The following PPP1R16B variants were observed in gnomAD, a reference collection of about 807,000 sequenced individuals.
PPP1R16B encodes the protein protein phosphatase 1 regulatory inhibitor subunit 16B.
PPP1R16B carries 14 observed loss-of-function variants against 61.7 expected under a neutral mutation model. The ratio of observed to expected loss-of-function variants is 0.23; its 90% confidence interval spans 0.15 to 0.35. The LOEUF (loss-of-function observed/expected upper bound fraction) is 0.35. Among genes scored for constraint, PPP1R16B ranks in the 10% least tolerant of loss-of-function variants. The probability of loss-of-function intolerance (pLI) is 1.00; values close to 1 mark genes in which losing one functional copy is unlikely to be tolerated. For missense variants in PPP1R16B, 547 were observed against 752.5 expected (o/e 0.73, Z 3.19); for synonymous variants, 266 against 305.3 (o/e 0.87, Z 1.34).
At chr20:38,808,323 G>T (rs2084675433) in intron 1 of PPP1R16B, among the ~76,000 whole-genome samples, 1 of 152,146 alleles carries the variant, frequency 6.6e-6, no homozygotes, top group African/African-American at 2.4e-5. Context: ...CTGAATTCAG[G>T]TGCTGTGCTT....
intron 2 of PPP1R16B, among the ~76,000 whole-genome samples, chr20:38,871,324 C>T (rs936510233): frequency 6.6e-6 from 1 of 152,092 alleles, no homozygotes; most frequent in Non-Finnish European, 1.5e-5. Context: ...AAATGGGAAA[C>T]CTGCACTCAA....
At chr20:38,867,641 A>G (rs1041258581) in intron 2 of PPP1R16B, among the ~76,000 whole-genome samples, 1 of 151,964 alleles carries the variant, frequency 6.6e-6, no homozygotes, top group African/African-American at 2.4e-5. Context: ...CATTTCCAAA[A>G]TGTGTTAGCT....
At chr20:38,895,750 C>A (rs1235174639) in intron 4 of PPP1R16B, 40 bp downstream of exon 4, 1 of 1,574,360 alleles carries the variant, frequency 6.4e-7, no homozygotes, top group East Asian at 2.3e-5. Context: ...CTCCCTCCAC[C>A]TCTTGTCTTT....
At chr20:38,869,040 C>G (rs1291323830) in intron 2 of PPP1R16B, among the ~76,000 whole-genome samples, 2 of 152,160 alleles carry the variant, frequency 1.3e-5, no homozygotes, top group Non-Finnish European at 2.9e-5. Flanking sequence ...CCAGTCAATC[C>G]CCTACGCTCT....
chr20:38,812,780 G>A (rs1361369136), intron 1 of PPP1R16B, among the ~76,000 whole-genome samples: 1 of 152,216 alleles, frequency 6.6e-6, no homozygotes, highest in South Asian at 2.1e-4. Flanking sequence ...GTAGGAGTTT[G>A]AAGGAGAAGA....
intron 2 of PPP1R16B, among the ~76,000 whole-genome samples, chr20:38,874,230 A>G (rs913048179): frequency 5.9e-5 from 9 of 152,166 alleles, no homozygotes; most frequent in African/African-American, 1.9e-4. Flanking sequence ...CAGATCTCCA[A>G]AGATAACTGT....
chr20:38,886,287 T>G (rs2085244220), intron 2 of PPP1R16B, among the ~76,000 whole-genome samples: 1 of 152,162 alleles, frequency 6.6e-6, no homozygotes, highest in Non-Finnish European at 1.5e-5. Flanking sequence ...GTCCCACCTC[T>G]TGGGCTGAAA....
chr20:38,895,671 C>T lies in PPP1R16B; in HGVS notation c.428C>T (p.Thr143Ile). 2.5e-6 allele frequency: 4 copies of T among 1,614,176 alleles called. No individual in the cohort carries two copies. The highest frequency in any genetic ancestry group is 1.1e-5 in the South Asian group (1 of 91,080). The stretch of plus-strand genomic sequence containing the variant: ...TGGACACCTCTCCATGCTGCAGCCA[C>T]CTGCGGCCACATCAACCTGGTGAAG... ...ELWTPLHAAA[T>I]CGHINLVKIL... The change falls in exon 4 of 11, where the codon ACC becomes ATC. Residue 143 changes from threonine to isoleucine, a missense_variant. Transcript: ENST00000299824.
chr20:38,807,725 C>CTGTGTG, intron 1 of PPP1R16B, among the ~76,000 whole-genome samples: 1 of 152,316 alleles, frequency 6.6e-6, no homozygotes, highest in South Asian at 2.1e-4. Context: ...ACTGTCAACT[C>CTGTGTG]TGTGCCTACT....
At chr20:38,889,550 C>T (rs746126512) in intron 2 of PPP1R16B, 45 bp from the exon 3 acceptor site, 3 of 1,509,006 alleles carry the variant, frequency 2.0e-6, no homozygotes, top group Admixed American at 3.3e-5. Flanking sequence ...TGCCTGCACA[C>T]CCAGTGTGCA....
intron 1 of PPP1R16B, among the ~76,000 whole-genome samples, chr20:38,818,068 C>G (rs1465132029): frequency 1.3e-5 from 2 of 152,132 alleles, no homozygotes; most frequent in Admixed American, 1.3e-4. Context: ...ACAAAAACAG[C>G]GTGTGTGAAA....
rs1568691205 is a variant in PPP1R16B, at chr20:38,921,163, C to G, written c.*2497C>G. 16 of 152,232 alleles carry G rather than the reference C, an allele frequency of 1.1e-4. No homozygotes were observed. 9.4% of individuals were successfully genotyped at this position (152,232 alleles called of 1,614,324 possible). A position where few individuals can be genotyped will look rare whatever the true frequency, so the allele number is the denominator to read the frequency against. On this transcript the variant is annotated 3_prime_UTR_variant, in exon 11 of 11. Coordinates refer to ENST00000299824, the MANE Select transcript of PPP1R16B (RefSeq NM_015568.4). ...GAGCCGACTTCACACACAGGTGACT[C>G]TCAGGCATTGGCTCATGTTTTCAGC...
Position 38,908,085 on chromosome 20 carries a change from T to C in PPP1R16B, c.1086T>C (p.Tyr362=). The C allele has an allele frequency of 6.2e-7, 1 of 1,614,162 alleles. No individual in the cohort carries two copies. ...GGACCAACCTGTATAGGAAGGAGTA[T>C]GAGGGAGAGGCCATCCTGTGGCAGC... The part of the protein sequence containing the change: ...SDRTNLYRKE[Y]EGEAILWQRS... The change falls in exon 10 of 11, where the codon TAT becomes TAC. Residue 362 remains tyrosine, a synonymous_variant. Transcript: ENST00000299824.
Position 38,837,154 on chromosome 20 carries a change from C to A in PPP1R16B, c.250+979C>A, listed in dbSNP as rs922854360. On this transcript the variant is annotated intron_variant, in intron 2 of 10. Transcript: ENST00000299824. ...AGGGATGGACTCTGAAGTGAGACTACCTGAATCTAAAACTGGCTTTCTCAG... is the reference window on the plus strand; with the variant it reads ...AGGGATGGACTCTGAAGTGAGACTAACTGAATCTAAAACTGGCTTTCTCAG... Among the ~76,000 whole-genome samples, 3 of 152,260 alleles carry A rather than the reference C, an allele frequency of 2.0e-5. No individual in the cohort carries two copies. The East Asian group carries it at 5.8e-4, about 29-fold the overall frequency.
At chr20:38,821,445 A>G (rs2084773052) in intron 1 of PPP1R16B, among the ~76,000 whole-genome samples, 1 of 152,226 alleles carries the variant, frequency 6.6e-6, no homozygotes, top group Non-Finnish European at 1.5e-5. Context: ...ATCTCTTTTT[A>G]TAATTTAAGA....
chr20:38,813,923 A>C, intron 1 of PPP1R16B, among the ~76,000 whole-genome samples: 1 of 151,844 alleles, frequency 6.6e-6, no homozygotes, highest in Non-Finnish European at 1.5e-5. Flanking sequence ...CAGCCTCCTG[A>C]GTAGCTGAGA....
chr20:38,847,908 C>T (rs1395902937), intron 2 of PPP1R16B, among the ~76,000 whole-genome samples: 1 of 151,998 alleles, frequency 6.6e-6, no homozygotes, highest in Non-Finnish European at 1.5e-5. Context: ...ATTGTCAAAC[C>T]TAATGATACT....
At chr20:38,871,543 AAGG>A (rs898895067) in intron 2 of PPP1R16B, among the ~76,000 whole-genome samples, 3 of 146,970 alleles carry the variant, frequency 2.0e-5, no homozygotes, top group Admixed American at 1.4e-4. Context: ...AAGGATTGAG[AAGG>A]AGGAGTGTAG....
chr20:38,817,653 G>C (rs1568651681), intron 1 of PPP1R16B, among the ~76,000 whole-genome samples: 1 of 151,744 alleles, frequency 6.6e-6, no homozygotes, highest in Non-Finnish European at 1.5e-5. Context: ...AAGCCCTTAA[G>C]AGATGATAGC....
Sources: allele counts gnomAD v4.1 joint callset (sites outside exome capture counted in the v4.1 genomes callset), GRCh38; gene constraint gnomAD v4.1.1; transcripts MANE v1.5; gene names NCBI Gene and HGNC (gene_info 2026-07-23, HGNC 2026-07-21).